Variants in MARCHF1 observed in about 807,000 individuals in gnomAD.
MARCHF1 encodes the protein membrane associated ring-CH-type finger 1.
A neutral mutation model predicts 54.2 loss-of-function variants in MARCHF1; 40 were observed. That is an observed-to-expected ratio of 0.74 (90% CI 0.57 to 0.96). The LOEUF (loss-of-function observed/expected upper bound fraction) is 0.96, where lower values mean the gene tolerates loss of function less well. Ranked by LOEUF, MARCHF1 falls within the 40% of genes least tolerant of loss-of-function variation. The pLI is 0.00. For synonymous variants in MARCHF1, 236 were observed against 236.3 expected, an observed-to-expected ratio of 1.00 and a Z score of 0.01; for missense variants, 586 against 656.5, an observed-to-expected ratio of 0.89 and a Z score of 1.17.
At chr4:164,058,302 T>C (rs1381083160) in intron 2 of MARCHF1, among the ~76,000 whole-genome samples, 1 of 152,218 alleles carries the variant, frequency 6.6e-6, no homozygotes, top group Admixed American at 6.5e-5. Context: ...TCAATCTCTT[T>C]GCAACATATC....
At chr4:163,678,766 G>C (rs1743998409) in intron 5 of MARCHF1, among the ~76,000 whole-genome samples, 1 of 152,028 alleles carries the variant, frequency 6.6e-6, no homozygotes, top group South Asian at 2.1e-4. Context: ...TGGATTCTTG[G>C]AATTATGGAG....
intron 4 of MARCHF1, among the ~76,000 whole-genome samples, chr4:163,813,461 T>G (rs1206364118): frequency 2.0e-5 from 3 of 152,174 alleles, no homozygotes; most frequent in Non-Finnish European, 4.4e-5. Context: ...GCATGAATTT[T>G]TGGGTAACAC....
chr4:163,970,230 T>A (rs755434068), intron 3 of MARCHF1, among the ~76,000 whole-genome samples: 13 of 152,200 alleles, frequency 8.5e-5, no homozygotes, highest in Non-Finnish European at 1.0e-4. Flanking sequence ...TTGTAATATA[T>A]TGTAAACCTC....
intron 4 of MARCHF1, among the ~76,000 whole-genome samples, chr4:163,712,045 T>C (rs1269634576): frequency 2.0e-5 from 3 of 152,174 alleles, no homozygotes; most frequent in African/African-American, 7.2e-5. Context: ...TCAAACCACT[T>C]TCTGTATAAG....
chr4:163,966,311 C>T (rs925888026), intron 3 of MARCHF1, among the ~76,000 whole-genome samples: 6 of 151,646 alleles, frequency 4.0e-5, no homozygotes, highest in African/African-American at 1.5e-4. Context: ...TTAAAAAAAA[C>T]AGCTTTAGGG....
At chr4:164,026,434 A>G (rs1410393905) in intron 2 of MARCHF1, among the ~76,000 whole-genome samples, 1 of 152,168 alleles carries the variant, frequency 6.6e-6, no homozygotes, top group Admixed American at 6.6e-5. Flanking sequence ...TTCAGCAAAT[A>G]CAAATAAATA....
At chr4:163,597,552 G>A (rs577833542) in intron 7 of MARCHF1, among the ~76,000 whole-genome samples, 1 of 152,062 alleles carries the variant, frequency 6.6e-6, no homozygotes, top group South Asian at 2.1e-4. Flanking sequence ...TCTAAATAGT[G>A]ATTATTCAGT....
intron 8 of MARCHF1, among the ~76,000 whole-genome samples, chr4:163,549,273 T>A: frequency 6.6e-6 from 1 of 152,142 alleles, no homozygotes; most frequent in African/African-American, 2.4e-5. Context: ...GCCTTGTCAG[T>A]GATGAAGTAA....
At chr4:164,091,435 A>ATATATAT (rs1560899504) in intron 2 of MARCHF1, among the ~76,000 whole-genome samples, 5 of 73,172 alleles carry the variant, frequency 6.8e-5, no homozygotes, top group African/African-American at 2.0e-4. Context: ...TATATGTATA[A>ATATATAT]AATGAATTGC....
At chr4:163,884,359 T>G (rs1750484321) in intron 3 of MARCHF1, among the ~76,000 whole-genome samples, 1 of 152,154 alleles carries the variant, frequency 6.6e-6, no homozygotes, top group African/African-American at 2.4e-5. Context: ...AGCTGTTTCC[T>G]TTTTTAGTTT....
At chr4:163,817,204 C>T (rs567240694) in intron 4 of MARCHF1, among the ~76,000 whole-genome samples, 2 of 152,068 alleles carry the variant, frequency 1.3e-5, no homozygotes, top group African/African-American at 2.4e-5. Context: ...CACAAGTTCT[C>T]CCCAATTTTA....
chr4:163,977,038 T>C (rs913552635), intron 3 of MARCHF1, among the ~76,000 whole-genome samples: 2 of 152,106 alleles, frequency 1.3e-5, no homozygotes, highest in African/African-American at 4.8e-5. Context: ...TACCATTTCA[T>C]AGAAAAGTTG....
chr4:163,939,565 G>T lies in MARCHF1; in HGVS notation c.-39+48936C>A, dbSNP rs1329622572. Reference sequence around the variant, plus strand: ...TCCACATAGCTCTCCATTGCTCCTTGCCATCAGTTTACCAACTCTGATATT... The same window carrying T: ...TCCACATAGCTCTCCATTGCTCCTTTCCATCAGTTTACCAACTCTGATATT... On this transcript the variant is annotated intron_variant, in intron 3 of 9. Transcript: ENST00000514618. 2.6e-5 allele frequency among the ~76,000 whole-genome samples: 4 copies of T among 152,108 alleles called. No individual in the cohort carries two copies. The East Asian group carries it at 7.7e-4, about 29-fold the overall frequency.
chr4:163,929,041 T>C lies in MARCHF1; in HGVS notation c.-39+59460A>G, dbSNP rs563751037. 1.1e-4 allele frequency among the ~76,000 whole-genome samples: 16 copies of C among 152,118 alleles called. No homozygotes were observed. The East Asian group carries it at 3.1e-3, about 29-fold the overall frequency. On this transcript the variant is annotated intron_variant, in intron 3 of 9. Transcript: ENST00000514618. ...TGTTTATACCAAAACATATTTGAGA[T>C]TTAAAATAGGCACAAATAATTCTGA... is the stretch of plus-strand genomic sequence containing the variant.
intron 1 of MARCHF1, among the ~76,000 whole-genome samples, chr4:164,256,729 A>G (rs1733298571): frequency 6.6e-6 from 1 of 152,190 alleles, no homozygotes; most frequent in African/African-American, 2.4e-5. Flanking sequence ...GAGTAAGTTG[A>G]AAACATGACT....
chr4:164,307,566 G>T (rs768382982), intron 1 of MARCHF1, among the ~76,000 whole-genome samples: 4 of 152,216 alleles, frequency 2.6e-5, no homozygotes, highest in Non-Finnish European at 5.9e-5. Flanking sequence ...GCAAAAGGAA[G>T]AGAAATCCTG....
chr4:164,177,421 T>C (rs2111001010), intron 1 of MARCHF1, among the ~76,000 whole-genome samples: 1 of 152,242 alleles, frequency 6.6e-6, no homozygotes, highest in Middle Eastern at 3.4e-3. Flanking sequence ...CTGCTGCAAT[T>C]ACCATGCACG....
intron 4 of MARCHF1, among the ~76,000 whole-genome samples, chr4:163,733,549 C>T (rs1435088805): frequency 6.6e-6 from 1 of 150,908 alleles, no homozygotes; most frequent in Non-Finnish European, 1.5e-5. Flanking sequence ...TGGTGTGCTG[C>T]ACTCATTAAC....
At chr4:164,051,606 T>C (rs1268763431) in intron 2 of MARCHF1, among the ~76,000 whole-genome samples, 1 of 152,130 alleles carries the variant, frequency 6.6e-6, no homozygotes, top group African/African-American at 2.4e-5. Flanking sequence ...TAGGTATTAA[T>C]ATTTTTTCCT....
Sources: gnomAD v4.1 joint callset for allele counts (sites outside exome capture counted in the v4.1 genomes callset) on GRCh38, gnomAD v4.1.1 for gene constraint, MANE v1.5 for transcripts, NCBI Gene and HGNC (gene_info 2026-07-23, HGNC 2026-07-21) for gene names.